The following MARCHF1 variants were observed in gnomAD, a reference collection of about 807,000 sequenced individuals.
MARCHF1 encodes the protein E3 ubiquitin-protein ligase MARCHF1.
MARCHF1 carries 40 observed loss-of-function variants against 54.2 expected under a neutral mutation model. The observed-to-expected ratio is 0.74, with a 90% CI of 0.57 to 0.96. The LOEUF (loss-of-function observed/expected upper bound fraction) is 0.96. MARCHF1 is among the 40% of genes least tolerant of loss of function. MARCHF1 has a pLI of 0.00. For synonymous variants in MARCHF1, 236 were observed against 236.3 expected, an observed-to-expected ratio of 1.00 and a Z score of 0.01; for missense variants, 586 against 656.5, an observed-to-expected ratio of 0.89 and a Z score of 1.17.
chr4:163,651,144 A>G (rs1365327720), intron 5 of MARCHF1, among the ~76,000 whole-genome samples: 1 of 151,962 alleles, frequency 6.6e-6, no homozygotes, highest in African/African-American at 2.4e-5. Context: ...ATAAATGGAC[A>G]AATGAATGAA....
chr4:164,371,092 A>G (rs181200155), intron 1 of MARCHF1, among the ~76,000 whole-genome samples: 1 of 152,308 alleles, frequency 6.6e-6, no homozygotes, highest in Admixed American at 6.5e-5. Context: ...AGACAAACCA[A>G]TGGAACATAA....
intron 8 of MARCHF1, among the ~76,000 whole-genome samples, chr4:163,582,910 T>C (rs1181995287): frequency 6.6e-6 from 1 of 152,206 alleles, no homozygotes; most frequent in Non-Finnish European, 1.5e-5. Context: ...TCATTATGAT[T>C]ACTGCCTCTT....
chr4:164,329,462 A>T (rs1735368911), intron 1 of MARCHF1, among the ~76,000 whole-genome samples: 1 of 152,246 alleles, frequency 6.6e-6, no homozygotes, highest in Non-Finnish European at 1.5e-5. Context: ...GGTCATGCTT[A>T]TATCAATGCT....
intron 1 of MARCHF1, among the ~76,000 whole-genome samples, chr4:164,145,715 A>C (rs1729668635): frequency 6.6e-6 from 1 of 150,626 alleles, no homozygotes. Flanking sequence ...AGCCAATATC[A>C]TACTGAATGG....
chr4:163,943,909 C>T (rs1042363129), intron 3 of MARCHF1, among the ~76,000 whole-genome samples: 2 of 152,064 alleles, frequency 1.3e-5, no homozygotes, highest in Admixed American at 1.3e-4. Flanking sequence ...ATTAATACAA[C>T]CCTTTACTAC....
chr4:163,847,981 T>A (rs538018822), intron 4 of MARCHF1, among the ~76,000 whole-genome samples: 4 of 152,226 alleles, frequency 2.6e-5, no homozygotes, highest in Non-Finnish European at 5.9e-5. Context: ...TAAATTCTTA[T>A]GATTTGGAGT....
chr4:164,211,895 T>C (rs1439486621), intron 1 of MARCHF1, among the ~76,000 whole-genome samples: 1 of 152,114 alleles, frequency 6.6e-6, no homozygotes, highest in Non-Finnish European at 1.5e-5. Context: ...TTTTAAAATA[T>C]GGAGGATGCT....
chr4:164,036,263 C>T (rs1754000202), intron 2 of MARCHF1, among the ~76,000 whole-genome samples: 1 of 152,018 alleles, frequency 6.6e-6, no homozygotes, highest in Non-Finnish European at 1.5e-5. Context: ...AAGTAATCCC[C>T]TTTAATTATG....
At chr4:164,162,669 G>A (rs1730268641) in intron 1 of MARCHF1, among the ~76,000 whole-genome samples, 1 of 151,980 alleles carries the variant, frequency 6.6e-6, no homozygotes, top group African/African-American at 2.4e-5. Context: ...ACACAACTGA[G>A]GTTCCAGAAG....
chr4:163,891,087 C>T (rs1750651153), intron 3 of MARCHF1, among the ~76,000 whole-genome samples: 1 of 152,112 alleles, frequency 6.6e-6, no homozygotes, highest in South Asian at 2.1e-4. Context: ...GCCCAGGGGA[C>T]ATCATGTGAG....
intron 4 of MARCHF1, among the ~76,000 whole-genome samples, chr4:163,741,028 TG>T (rs1273420733): frequency 1.3e-5 from 2 of 152,224 alleles, no homozygotes; most frequent in Non-Finnish European, 2.9e-5. Flanking sequence ...ATTGTCTATG[TG>T]GCTCTTTTGT....
intron 3 of MARCHF1, among the ~76,000 whole-genome samples, chr4:163,874,503 AT>A (rs34836663): frequency 1.3e-5 from 2 of 151,540 alleles, no homozygotes; most frequent in Non-Finnish European, 1.5e-5. Flanking sequence ...CCCACACTTG[AT>A]TTTTTTTTAA....
intron 3 of MARCHF1, among the ~76,000 whole-genome samples, chr4:163,862,091 A>C (rs987754797): frequency 1.3e-5 from 2 of 152,086 alleles, no homozygotes; most frequent in African/African-American, 4.8e-5. Flanking sequence ...CTTAAAGGTA[A>C]ATGCAAAACT....
At chr4:163,884,306 A>G (rs964930893) in intron 3 of MARCHF1, among the ~76,000 whole-genome samples, 2 of 152,204 alleles carry the variant, frequency 1.3e-5, no homozygotes, top group African/African-American at 4.8e-5. Context: ...AAGCAAATAT[A>G]ATAATTATAA....
chr4:163,603,151 G>A (rs956177739), intron 7 of MARCHF1, among the ~76,000 whole-genome samples: 1 of 133,980 alleles, frequency 7.5e-6, no homozygotes, highest in African/African-American at 2.6e-5. Context: ...AAAGATTAAG[G>A]TAAAGGGAAG....
chr4:163,719,930 C>T (rs1306254959), intron 4 of MARCHF1, among the ~76,000 whole-genome samples: 5 of 152,062 alleles, frequency 3.3e-5, no homozygotes, highest in African/African-American at 1.2e-4. Flanking sequence ...GATATTAGCC[C>T]TTTGTCAGAT....
chr4:164,190,177 T>C lies in MARCHF1; in HGVS notation c.-322-78515A>G, dbSNP rs553239262. The C allele has an allele frequency of 1.9e-4, 299 of 1,568,874 alleles. 1 individual carries two copies. The East Asian group carries it at 2.9e-3, about 15-fold the overall frequency. On this transcript the variant is annotated intron_variant, in intron 1 of 9. Coordinates refer to ENST00000514618, the MANE Select transcript of MARCHF1 (RefSeq NM_001394959.1). ...ATGGAAAAAGCTGTAGAAGAAAAGA[T>C]TGAATGGCTGGAAAGCCACCAAGCT... is the stretch of plus-strand genomic sequence containing the variant.
At chr4:163,865,673 A>ACTCATG (rs1750031561) in intron 3 of MARCHF1, among the ~76,000 whole-genome samples, 4 of 151,772 alleles carry the variant, frequency 2.6e-5, no homozygotes, top group African/African-American at 9.7e-5. Context: ...TGAATATTTA[A>ACTCATG]TATAAATATT....
At chr4:164,102,675 G>C (rs1560905360) in intron 2 of MARCHF1, among the ~76,000 whole-genome samples, 1 of 151,660 alleles carries the variant, frequency 6.6e-6, no homozygotes, top group African/African-American at 2.4e-5. Context: ...AAAATGTAAA[G>C]ACCATCGAGA....
Sources: allele counts gnomAD v4.1 joint callset (sites outside exome capture counted in the v4.1 genomes callset), GRCh38; gene constraint gnomAD v4.1.1; transcripts MANE v1.5; gene names NCBI Gene and HGNC (gene_info 2026-07-23, HGNC 2026-07-21).